PELI3: variants seen among roughly 807,000 people sequenced by gnomAD.
PELI3 encodes pellino E3 ubiquitin protein ligase family member 3.
PELI3 carries 19 observed loss-of-function variants against 35.5 expected under a neutral mutation model. The ratio of observed to expected loss-of-function variants is 0.54; its 90% CI spans 0.37 to 0.79. The LOEUF (loss-of-function observed/expected upper bound fraction) is 0.79, where lower values mean the gene tolerates loss of function less well. Ranked by LOEUF, PELI3 falls within the 30% of genes least tolerant of loss-of-function variation. The pLI, the probability that PELI3 is intolerant of heterozygous loss-of-function variation, is 0.00. For synonymous variants in PELI3, 262 were observed against 279.2 expected (o/e 0.94, Z 0.62); for missense variants, 490 against 661.2 (o/e 0.74, Z 2.84).
At position 66,473,312 on chromosome 11, in the gene PELI3, G is replaced by C. The variant is rs752222803; in HGVS notation, c.528G>C (p.Glu176Asp). Residue 176 changes from glutamate to aspartate, a missense_variant, in exon 6 of 8, where the codon GAG becomes GAC. Physicochemically the swap from Glu to Asp is conservative, Grantham distance 45. Transcript: ENST00000320740. This position sits in a 1 kb window ranked among gnomAD's most constrained non-coding sequence, Gnocchi z 5.8. The part of the protein sequence containing the change: ...TDTSPGGGAA[E>D]GPSAQSTISR... ...CGTCCCCTGGAGGAGGGGCTGCCGA[G>C]GGCCCTTCTGCCCAGAGCACCATCT... 1 of 1,613,450 alleles carries C rather than the reference G, an allele frequency of 6.2e-7. No individual in the cohort carries two copies. The highest frequency in any genetic ancestry group is 1.1e-5 in the South Asian group (1 of 91,076).
Position 66,475,804 on chromosome 11 carries a change from A to G in PELI3, c.1047A>G (p.Thr349=). The change falls in exon 8 of 8, where the codon ACA becomes ACG. Residue 349 remains threonine, a synonymous_variant. Transcript: ENST00000320740. ...LAFPSPARGR[T]APDKQQPWVY... ...TCCCCAGCCCAGCCCGTGGCCGCACAGCGCCCGACAAACAGCAGCCCTGGG... is the reference window on the plus strand; with the variant it reads ...TCCCCAGCCCAGCCCGTGGCCGCACGGCGCCCGACAAACAGCAGCCCTGGG... The G allele has an allele frequency of 6.2e-7, 1 of 1,608,208 alleles. No individual in the cohort carries two copies. The highest frequency in any genetic ancestry group is 8.5e-7 in the Non-Finnish European group (1 of 1,178,248).
rs1854923494 is a variant in PELI3, at chr11:66,476,422, C to A, written c.*255C>A. The A allele has an allele frequency of 3.7e-6, 2 of 537,546 alleles. No homozygotes were observed. The highest frequency in any genetic ancestry group is 4.9e-5 in the South Asian group (2 of 40,476). 33.3% of individuals were successfully genotyped at this position (537,546 alleles called of 1,614,324 possible). A position where few individuals can be genotyped will look rare whatever the true frequency, so the allele number is the denominator to read the frequency against. The stretch of plus-strand genomic sequence containing the variant: ...GATGGAGGAAAGCCCAGCCCCATGG[C>A]CTTGCCCTTCCTGGGGCATCCCACA... On this transcript the variant is annotated 3_prime_UTR_variant, in exon 8 of 8. Coordinates refer to ENST00000320740, the MANE Select transcript of PELI3 (RefSeq NM_145065.3).
intron 7 of PELI3, chr11:66,474,818 C>T (rs1332865421): frequency 6.6e-6 from 1 of 152,162 alleles, no homozygotes; most frequent in African/African-American, 2.4e-5. Flanking sequence ...CAACCTCCGC[C>T]TCCTGGGTTC....
Position 66,476,395 on chromosome 11 carries a change from T to C in PELI3, c.*228T>C. 1 of 581,356 alleles carries C rather than the reference T, an allele frequency of 1.7e-6. No individual in the cohort carries two copies. 36.0% of individuals were successfully genotyped at this position (581,356 alleles called of 1,614,324 possible). ...CCTTCAGCACCAGCTCTGTCCTGGG[T>C]CGATGGAGGAAAGCCCAGCCCCATG... On this transcript the variant is annotated 3_prime_UTR_variant, in exon 8 of 8. Transcript: ENST00000320740.
chr11:66,471,491 T>A, intron 4 of PELI3, 120 bp downstream of exon 4: 2 of 1,332,930 alleles, frequency 1.5e-6, no homozygotes, highest in Non-Finnish European at 2.0e-6. Flanking sequence ...CCACTTTGTG[T>A]CATCACTCAC....
chr11:66,474,430 G>A (rs1854831623), intron 7 of PELI3: 1 of 299,014 alleles, frequency 3.3e-6, no homozygotes, highest in Admixed American at 5.4e-5. Flanking sequence ...TCAGAGAGCT[G>A]AGGTTAGGGA....
Position 66,475,771 on chromosome 11 carries a change from T to C in PELI3, c.1014T>C (p.Thr338=), listed in dbSNP as rs1157659758. ...CCCAGTGCCCCGTGGGCCTCAGCAC[T>C]CTGGCCTTCCCCAGCCCAGCCCGTG... The part of the protein sequence containing the change: ...ARPQCPVGLS[T]LAFPSPARGR... Residue 338 remains threonine, a synonymous_variant, in exon 8 of 8, where the codon ACT becomes ACC. Transcript: ENST00000320740. The C allele has an allele frequency of 1.2e-6, 2 of 1,610,190 alleles. No individual in the cohort carries two copies. The highest frequency in any genetic ancestry group is 2.7e-5 in the African/African-American group (2 of 74,870).
intron 7 of PELI3, 160 bp downstream of exon 7, chr11:66,474,085 G>A: frequency 1.1e-6 from 1 of 932,974 alleles, no homozygotes; most frequent in Non-Finnish European, 1.7e-6. Flanking sequence ...TTCTTAGCAT[G>A]AGCCACTTGT....
upstream of PELI3, chr11:66,466,772 C>A (rs556204487): frequency 6.6e-6 from 1 of 151,210 alleles, no homozygotes; most frequent in Non-Finnish European, 1.5e-5. Context: ...CCTACGAAGG[C>A]TGAGCATCGC....
intron 4 of PELI3, among the ~76,000 whole-genome samples, chr11:66,471,708 G>T (rs1261471137): frequency 6.6e-6 from 1 of 152,058 alleles, no homozygotes; most frequent in African/African-American, 2.4e-5. Context: ...TCAGAGAGTG[G>T]GAGGTGACAG....
In PELI3 at chr11:66,474,069, AG is replaced by A. The variant is rs1301625625; in HGVS notation, c.840+149del. The A allele has an allele frequency of 9.9e-6, 11 of 1,112,384 alleles. No individual in the cohort carries two copies. In the East Asian group the frequency reaches 1.8e-4, roughly 18 times the overall value. The allele number at this position is 1,112,384 out of a possible 1,614,324, so 68.9% of individuals were successfully genotyped here. A position where few individuals can be genotyped will look rare whatever the true frequency, so the allele number is the denominator to read the frequency against. ...CTCCATATCAGGGAATCCCAGGCCC[AG>A]GGGGTTCTTAGCATGAGCCACTTGT... On this transcript the variant is annotated intron_variant, in intron 7 of 7. Coordinates refer to ENST00000320740, the MANE Select transcript of PELI3 (RefSeq NM_145065.3).
At chr11:66,468,786 G>A in intron 2 of PELI3, 47 bp from the exon 3 acceptor site, 1 of 773,336 alleles carries the variant, frequency 1.3e-6, no homozygotes, top group Non-Finnish European at 2.4e-6. Flanking sequence ...AGGCAGGCCT[G>A]TGCCAAGCCC....
chr11:66,474,738 T>A (rs1854842964), intron 7 of PELI3: 1 of 151,436 alleles, frequency 6.6e-6, no homozygotes, highest in South Asian at 2.1e-4. Context: ...TTTATTTATT[T>A]ATTTTTTTTG....
chr11:66,469,444 CATCTGTGTCCCAA>C (rs1854641444), intron 3 of PELI3, among the ~76,000 whole-genome samples: 1 of 152,210 alleles, frequency 6.6e-6, no homozygotes, highest in Admixed American at 6.5e-5. Flanking sequence ...AAGCCAGGCC[CATCTGTGTCCCAA>C]GCCTGTGTCC....
rs1039297375 is a variant in PELI3, at chr11:66,474,261, C to T, written c.840+336C>T. On this transcript the variant is annotated intron_variant, in intron 7 of 7. Coordinates refer to ENST00000320740, the MANE Select transcript of PELI3 (RefSeq NM_145065.3). ...ATCACACCTTCTTATGAGAGTGACA[C>T]TTGGCCCATGTGTGAGCAGTTTATA... 4 of 598,838 alleles carry T rather than the reference C, an allele frequency of 6.7e-6. No homozygotes were observed. The African/African-American group carries it at 7.5e-5, about 11-fold the overall frequency. 37.1% of individuals were successfully genotyped at this position (598,838 alleles called of 1,614,324 possible).
At chr11:66,474,155 C>T in intron 7 of PELI3, 1 of 689,446 alleles carries the variant, frequency 1.5e-6, no homozygotes, top group Non-Finnish European at 2.6e-6. Flanking sequence ...ACTGGAGGTC[C>T]AGGGGGTGAT....
chr11:66,469,177 C>T (rs529873640), intron 3 of PELI3, among the ~76,000 whole-genome samples: 30 of 151,914 alleles, frequency 2.0e-4, no homozygotes, highest in African/African-American at 7.2e-4. Context: ...TGCCATCAGT[C>T]CTAAAGAAAC....
intron 3 of PELI3, among the ~76,000 whole-genome samples, chr11:66,469,278 C>T (rs192588910): frequency 1.1e-3 from 161 of 149,336 alleles, no homozygotes; most frequent in African/African-American, 3.8e-3. Flanking sequence ...TAATAGTGAA[C>T]ACTTATCAAG....
At position 66,475,770 on chromosome 11, in the gene PELI3, C is replaced by G; in HGVS notation, c.1013C>G (p.Thr338Ser). 2 of 1,610,348 alleles carry G rather than the reference C, an allele frequency of 1.2e-6. No homozygotes were observed. The highest frequency in any genetic ancestry group is 1.7e-6 in the Non-Finnish European group (2 of 1,179,076). ...ARPQCPVGLSTLAFPSPARGR... is the reference protein window; with the variant it reads ...ARPQCPVGLSSLAFPSPARGR... ...CCCCAGTGCCCCGTGGGCCTCAGCACTCTGGCCTTCCCCAGCCCAGCCCGT... is the reference window on the plus strand; with the variant it reads ...CCCCAGTGCCCCGTGGGCCTCAGCAGTCTGGCCTTCCCCAGCCCAGCCCGT... Residue 338 changes from threonine (T) to serine (S), a missense_variant, in exon 8 of 8, where the codon ACT (threonine) becomes AGT (serine). Coordinates refer to ENST00000320740, the MANE Select transcript of PELI3 (RefSeq NM_145065.3).
Sources: gnomAD v4.1 joint callset for allele counts (sites outside exome capture counted in the v4.1 genomes callset) on GRCh38, gnomAD v4.1.1 for gene constraint, Gnocchi (gnomAD v3.1) non-coding constraint, MANE v1.5 for transcripts, NCBI Gene and HGNC (gene_info 2026-07-23, HGNC 2026-07-21) for gene names.